Variants in PRR33 observed in about 807,000 individuals in gnomAD.
PRR33 encodes proline rich 33.
PRR33 carries 1 observed loss-of-function variant against 0.5 expected under a neutral mutation model. That is an observed-to-expected ratio of 2.18 (90% CI 0.77 to 10.34). PRR33 has a LOEUF of 10.34. Among genes scored for constraint, PRR33 ranks in the 30% most tolerant of loss-of-function variants. The pLI is 0.13. For missense variants in PRR33, 552 were observed against 251.8 expected, an observed-to-expected ratio of 2.19 and a Z score of -8.07; for synonymous variants, 226 against 110.0, an observed-to-expected ratio of 2.06 and a Z score of -6.60.
At chr11:1,888,951 C>T (rs1036542059) in exon 1 of PRR33, 22 of 512,426 alleles carry the variant, frequency 4.3e-5, no homozygotes, top group East Asian at 1.3e-4. Flanking sequence ...CTCTCTGCCC[C>T]GTCCACCTGA....
At chr11:1,890,876 C>A (rs1326121765) in exon 1 of PRR33, 3 of 439,826 alleles carry the variant, frequency 6.8e-6, no homozygotes, top group African/African-American at 5.8e-5. Flanking sequence ...CTCCATGCCA[C>A]CCCAGCACAA....
exon 1 of PRR33, chr11:1,890,060 G>A (rs931035639): frequency 2.5e-5 from 18 of 709,482 alleles, no homozygotes; most frequent in African/African-American, 5.3e-5. Flanking sequence ...TGACGTGGGT[G>A]CCCCCACCCC....
chr11:1,893,290 G>A (rs1009621476), upstream of PRR33, among the ~76,000 whole-genome samples: 3 of 150,652 alleles, frequency 2.0e-5, no homozygotes, highest in Non-Finnish European at 3.0e-5. Flanking sequence ...GGATGGGTGA[G>A]TGGATGAATA....
At chr11:1,895,844 C>T (rs1361641650), upstream of PRR33, among the ~76,000 whole-genome samples, 6 of 152,130 alleles carry the variant, frequency 3.9e-5, no homozygotes, top group Non-Finnish European at 7.3e-5. Flanking sequence ...CGCCTTTGCA[C>T]CTTTGTCAAA....
At chr11:1,913,970 C>T in the PRR33 span, among the ~76,000 whole-genome samples, 3 of 152,240 alleles carry the variant, frequency 2.0e-5, no homozygotes, top group Non-Finnish European at 4.4e-5. Flanking sequence ...CCTCTGTGCC[C>T]AGCATAGCTG....
exon 1 of PRR33, chr11:1,889,148 C>T: frequency 1.5e-6 from 1 of 656,890 alleles, no homozygotes. Flanking sequence ...GGCCACTTCA[C>T]TGGAGCCTCC....
chr11:1,892,105 C>T (rs917669708), upstream of PRR33: 1 of 152,306 alleles, frequency 6.6e-6, no homozygotes, highest in Non-Finnish European at 1.5e-5. Context: ...GGTTGAGGCA[C>T]AGCCTGTGCA....
upstream of PRR33, among the ~76,000 whole-genome samples, chr11:1,892,849 T>G (rs969099421): frequency 2.7e-5 from 4 of 150,366 alleles, no homozygotes; most frequent in Non-Finnish European, 5.9e-5. Flanking sequence ...GATGGATGAG[T>G]GGACAGATAG....
upstream of PRR33, among the ~76,000 whole-genome samples, chr11:1,896,852 G>A (rs998510063): frequency 1.3e-5 from 2 of 152,178 alleles, no homozygotes; most frequent in Non-Finnish European, 2.9e-5. Context: ...AGGAACCGAC[G>A]TTGGATTTTT....
At chr11:1,915,342 G>A in the PRR33 span, among the ~76,000 whole-genome samples, 1 of 149,776 alleles carries the variant, frequency 6.7e-6, no homozygotes, top group South Asian at 2.1e-4. Context: ...GTTTCTGTAT[G>A]TGTGTGTCTG....
the PRR33 span, among the ~76,000 whole-genome samples, chr11:1,909,786 A>AAAG: frequency 5.1e-4 from 78 of 151,948 alleles, no homozygotes; most frequent in East Asian, 2.3e-3. Flanking sequence ...TCTGAGAAAA[A>AAAG]AAGAAGAAGA....
the PRR33 span, among the ~76,000 whole-genome samples, chr11:1,913,635 G>A: frequency 4.6e-5 from 7 of 152,290 alleles, no homozygotes; most frequent in South Asian, 6.2e-4. Flanking sequence ...TGAAAGGGCC[G>A]CCTTCTAGTT....
At chr11:1,917,072 G>A in the PRR33 span, among the ~76,000 whole-genome samples, 1 of 152,220 alleles carries the variant, frequency 6.6e-6, no homozygotes, top group East Asian at 1.9e-4. Flanking sequence ...AGAAGCACTA[G>A]GCATGTGGGG....
At chr11:1,897,278 C>G in the PRR33 span, among the ~76,000 whole-genome samples, 1 of 152,200 alleles carries the variant, frequency 6.6e-6, no homozygotes, top group Non-Finnish European at 1.5e-5. This position sits in a 1 kb window ranked among gnomAD's most constrained non-coding sequence, Gnocchi z 4.0. Context: ...ACGATTTCCC[C>G]CTTTAGACAT....
Position 1,889,069 on chromosome 11 carries a change from G to A in PRR33, c.*76C>T, listed in dbSNP as rs1589834812. The A allele has an allele frequency of 5.2e-6, 3 of 577,184 alleles. No individual in the cohort carries two copies. In the East Asian group the frequency reaches 9.2e-5, roughly 18 times the overall value. 35.8% of individuals were successfully genotyped at this position (577,184 alleles called of 1,614,324 possible). On this transcript the variant is annotated 3_prime_UTR_variant, in exon 1 of 1. Transcript: ENST00000640310. ...TGGTGCATCTTCATGCAGCAACTAT[G>A]GGCCCCCAGCTAGAGCCTCAGCCCC...
chr11:1,896,660 GAA>G (rs1400470850), upstream of PRR33, among the ~76,000 whole-genome samples: 3 of 152,162 alleles, frequency 2.0e-5, no homozygotes, highest in Non-Finnish European at 4.4e-5. Flanking sequence ...GCACGAGCAG[GAA>G]CCTCCAGGTC....
At chr11:1,894,222 G>GA, upstream of PRR33, among the ~76,000 whole-genome samples, 1 of 95,498 alleles carries the variant, frequency 1.0e-5, no homozygotes, top group South Asian at 3.9e-4. Flanking sequence ...TGGGAGTGTG[G>GA]GAGTGTGTGT....
chr11:1,903,987 AC>A, the PRR33 span, among the ~76,000 whole-genome samples: 1 of 152,188 alleles, frequency 6.6e-6, no homozygotes, highest in East Asian at 1.9e-4. Context: ...TCCATCCTGG[AC>A]CCAGTCCAGT....
the PRR33 span, among the ~76,000 whole-genome samples, chr11:1,899,764 C>A: frequency 6.6e-6 from 1 of 152,130 alleles, no homozygotes; most frequent in African/African-American, 2.4e-5. Context: ...TCTCAAGGGA[C>A]GTCCCATGAG....
Sources: allele counts gnomAD v4.1 joint callset (sites outside exome capture counted in the v4.1 genomes callset), GRCh38; gene constraint gnomAD v4.1.1; non-coding constraint Gnocchi (gnomAD v3.1); transcripts MANE v1.5; gene names NCBI Gene and HGNC (gene_info 2026-07-23, HGNC 2026-07-21).